FAM135A: variants seen among roughly 807,000 people sequenced by gnomAD.
The protein encoded by FAM135A is protein FAM135A.
FAM135A carries 79 observed loss-of-function variants against 146.8 expected under a neutral mutation model. The ratio of observed to expected loss-of-function variants is 0.54; its 90% CI spans 0.45 to 0.65. The LOEUF is 0.65. Ranked by LOEUF, FAM135A falls within the 30% of genes least tolerant of loss-of-function variation. The pLI, the probability that FAM135A is intolerant of heterozygous loss-of-function variation, is 0.00. For synonymous variants in FAM135A, 562 were observed against 603.6 expected (o/e 0.93, Z 1.01); for missense variants, 1,623 against 1,758.2 (o/e 0.92, Z 1.38).
At chr6:70,446,086 A>G (rs1363904586) in intron 4 of FAM135A, among the ~76,000 whole-genome samples, 1 of 152,084 alleles carries the variant, frequency 6.6e-6, no homozygotes, top group Non-Finnish European at 1.5e-5. Flanking sequence ...TCCTTCAAGC[A>G]CTCCAGTTCC....
intron 10 of FAM135A, among the ~76,000 whole-genome samples, chr6:70,483,642 G>T (rs1784125869): frequency 1.3e-5 from 2 of 151,960 alleles, no homozygotes; most frequent in South Asian, 4.2e-4. Flanking sequence ...TATCTTTATT[G>T]GTGGTTTGGA....
intron 10 of FAM135A, among the ~76,000 whole-genome samples, chr6:70,488,416 T>C (rs369046997): frequency 3.3e-5 from 5 of 151,952 alleles, no homozygotes; most frequent in Admixed American, 1.3e-4. Context: ...TTGAAAAATA[T>C]GGAAGGATAT....
chr6:70,421,080 C>T (rs1768717574), intron 2 of FAM135A, among the ~76,000 whole-genome samples: 1 of 152,030 alleles, frequency 6.6e-6, no homozygotes, highest in African/African-American at 2.4e-5. Flanking sequence ...CACGGTTTTG[C>T]CATGTTGCCC....
chr6:70,448,821 G>A (rs1437930329), intron 4 of FAM135A, among the ~76,000 whole-genome samples: 1 of 152,252 alleles, frequency 6.6e-6, no homozygotes, highest in African/African-American at 2.4e-5. Context: ...TGCAGCAGGA[G>A]CATGTCCTTA....
chr6:70,460,888 A>G (rs1779301276), intron 5 of FAM135A, among the ~76,000 whole-genome samples: 1 of 146,106 alleles, frequency 6.8e-6, no homozygotes, highest in Non-Finnish European at 1.5e-5. Flanking sequence ...CAATGGTGGG[A>G]TCTCGGCTCA....
chr6:70,486,792 G>A (rs994913124), intron 10 of FAM135A, among the ~76,000 whole-genome samples: 3 of 152,080 alleles, frequency 2.0e-5, no homozygotes, highest in African/African-American at 7.2e-5. Flanking sequence ...GCCGGATGTG[G>A]TGGCGCATGT....
intron 20 of FAM135A, among the ~76,000 whole-genome samples, chr6:70,555,201 A>C (rs1800602026): frequency 6.6e-6 from 1 of 152,202 alleles, no homozygotes; most frequent in Admixed American, 6.5e-5. Flanking sequence ...AAAGTGGGAA[A>C]AAGTCAAGTC....
At chr6:70,461,856 T>A (rs1326844184) in intron 5 of FAM135A, among the ~76,000 whole-genome samples, 3 of 152,226 alleles carry the variant, frequency 2.0e-5, no homozygotes, top group Admixed American at 6.5e-5. Flanking sequence ...TTTATTTGAG[T>A]CTTTCTTTCC....
At chr6:70,440,279 A>T (rs928235054) in intron 4 of FAM135A, among the ~76,000 whole-genome samples, 2 of 152,316 alleles carry the variant, frequency 1.3e-5, no homozygotes, top group Admixed American at 6.5e-5. Flanking sequence ...GATATGATTG[A>T]TTCAGGTGTT....
In FAM135A at chr6:70,502,748, A is replaced by C. The variant is rs747002841; in HGVS notation, c.986A>C (p.Glu329Ala). 5 of 1,612,792 alleles carry C rather than the reference A, an allele frequency of 3.1e-6. No individual in the cohort carries two copies. ...TTTCTGGAAGTTATAACGCTACACG[A>C]AGAACTAAGAATATTATTAGCACAA... ...GQFLEVITLH[E>A]ELRILLAQEH... is the part of the protein sequence containing the mutation. The change falls in exon 12 of 22, where the codon GAA becomes GCA. Residue 329 changes from glutamate (E) to alanine (A), a missense_variant. Glu to Ala is a moderately radical substitution (Grantham distance 107). This residue lies in a region of FAM135A where 206 missense variants were observed against 194.7 expected (regional missense o/e 1.06). Transcript: ENST00000418814.
At chr6:70,548,103 G>C (rs1282575105) in intron 20 of FAM135A, among the ~76,000 whole-genome samples, 1 of 152,208 alleles carries the variant, frequency 6.6e-6, no homozygotes, top group Non-Finnish European at 1.5e-5. Context: ...AAGTACTGCT[G>C]TAATTCCTAC....
intron 5 of FAM135A, among the ~76,000 whole-genome samples, chr6:70,470,738 C>T (rs1484685485): frequency 6.6e-6 from 1 of 152,184 alleles, no homozygotes; most frequent in Non-Finnish European, 1.5e-5. Context: ...GGAAGAGAAT[C>T]ATTGGAGGCC....
At chr6:70,493,202 GAA>G (rs1562515938) in intron 11 of FAM135A, among the ~76,000 whole-genome samples, 1 of 151,728 alleles carries the variant, frequency 6.6e-6, no homozygotes, top group Non-Finnish European at 1.5e-5. Flanking sequence ...AAAAAATAAA[GAA>G]AAATATGAAT....
At chr6:70,539,819 C>A (rs1414498624) in intron 20 of FAM135A, among the ~76,000 whole-genome samples, 7 of 152,184 alleles carry the variant, frequency 4.6e-5, no homozygotes, top group Admixed American at 4.6e-4. Context: ...CACGGTGAAA[C>A]CCCGTCTCTA....
rs75700903 is a variant in FAM135A, at chr6:70,554,978, G to A, written c.4229-1772G>A. Reference sequence around the variant, plus strand: ...CTCAACTCATTCTATTGGAATTACAGATTTAGCTCATTCAATTTATAGGAA... The same window carrying A: ...CTCAACTCATTCTATTGGAATTACAAATTTAGCTCATTCAATTTATAGGAA... On this transcript the variant is annotated intron_variant, in intron 20 of 21. Transcript: ENST00000418814. 5.9e-4 allele frequency among the ~76,000 whole-genome samples: 90 copies of A among 152,266 alleles called. 1 individual carries two copies. The East Asian group carries it at 0.015, about 25-fold the overall frequency.
intron 12 of FAM135A, among the ~76,000 whole-genome samples, chr6:70,514,711 G>GA (rs56377123): frequency 0.27 from 40,840 of 152,004 alleles, 7,050 homozygotes; most frequent in African/African-American, 0.49. Context: ...TCTAATTGAT[G>GA]ATTCCTGGAG....
rs139337419 is a variant in FAM135A, at chr6:70,473,255, G to A, written c.158-2155G>A. Among the ~76,000 whole-genome samples, 375 of 152,194 alleles carry A rather than the reference G, an allele frequency of 2.5e-3. 3 individuals carry two copies. Among genetic ancestry groups the A allele is most frequent in the African/African-American group, 8.6e-3 (356 of 41,512 alleles). ...AAAGATGGTCCAGATTTGTCTGTGC[G>A]CCAGCTTTGGAACCAACCATTTCTA... is the stretch of plus-strand genomic sequence containing the variant. On this transcript the variant is annotated intron_variant, in intron 5 of 21. Coordinates refer to ENST00000418814, the MANE Select transcript of FAM135A (RefSeq NM_001162529.3).
intron 16 of FAM135A, among the ~76,000 whole-genome samples, chr6:70,530,607 C>T (rs2128388295): frequency 6.6e-6 from 1 of 151,826 alleles, no homozygotes; most frequent in Admixed American, 6.6e-5. Flanking sequence ...AATAAATTTG[C>T]CAGGCATGGT....
At chr6:70,479,235 A>C (rs1348924530) in intron 8 of FAM135A, among the ~76,000 whole-genome samples, 1 of 152,218 alleles carries the variant, frequency 6.6e-6, no homozygotes, top group Non-Finnish European at 1.5e-5. Context: ...GTAGATATTC[A>C]CATCACCATC....
Sources: allele counts gnomAD v4.1 joint callset (sites outside exome capture counted in the v4.1 genomes callset), GRCh38; gene constraint gnomAD v4.1.1; regional missense constraint gnomAD v4.1.1; transcripts MANE v1.5; gene names NCBI Gene and HGNC (gene_info 2026-07-23, HGNC 2026-07-21).